The following TBCD variants were observed in gnomAD, a reference collection of about 807,000 sequenced individuals.
TBCD encodes tubulin folding cofactor D, also known as tubulin-specific chaperone D.
TBCD carries 105 observed loss-of-function variants against 169.3 expected under a neutral mutation model. That is an observed-to-expected ratio of 0.62 (90% CI 0.53 to 0.73). The LOEUF (loss-of-function observed/expected upper bound fraction) is 0.73. Ranked by LOEUF, TBCD falls within the 30% of genes least tolerant of loss-of-function variation. The probability of loss-of-function intolerance (pLI) is 0.00; values close to 1 mark genes in which losing one functional copy is unlikely to be tolerated. For missense variants in TBCD, 1,444 were observed against 1,600.1 expected, an observed-to-expected ratio of 0.90 and a Z score of 1.66; for synonymous variants, 700 against 643.9, an observed-to-expected ratio of 1.09 and a Z score of -1.32.
intron 7 of TBCD, among the ~76,000 whole-genome samples, chr17:82,796,741 C>T (rs2050134824): frequency 6.6e-6 from 1 of 152,218 alleles, no homozygotes; most frequent in South Asian, 2.1e-4. Context: ...CAGCGGGCTC[C>T]ATGGAGAGAG....
intron 14 of TBCD, among the ~76,000 whole-genome samples, chr17:82,873,489 C>A (rs1219429821): frequency 6.6e-6 from 1 of 152,192 alleles, no homozygotes; most frequent in Admixed American, 6.5e-5. Flanking sequence ...CAGGTGCCGA[C>A]TTTGGAGAAA....
chr17:82,781,114 C>A (rs1377938904), intron 6 of TBCD, among the ~76,000 whole-genome samples: 1 of 151,972 alleles, frequency 6.6e-6, no homozygotes, highest in Non-Finnish European at 1.5e-5. Context: ...CAGGCCTGTG[C>A]ACAAGACGCA....
intron 23 of TBCD, chr17:82,913,846 C>G (rs989004578): frequency 1.3e-5 from 2 of 152,290 alleles, no homozygotes; most frequent in African/African-American, 4.8e-5. Flanking sequence ...GCCACCTACC[C>G]ATGATGGGCA....
rs751190601 is a variant in TBCD, at chr17:82,800,953, C to T, written c.907C>T (p.Arg303Ter). 5 of 1,611,044 alleles carry T rather than the reference C, an allele frequency of 3.1e-6. No homozygotes were observed. Among genetic ancestry groups the T allele is most frequent in the East Asian group, 2.2e-5 (1 of 44,644 alleles). The stretch of plus-strand genomic sequence containing the variant: ...GAAGCTGGGGGTGAAGCTTGTGCAG[C>T]GACTGGGGCTGACATTCCTGAAGCC... ...LRKLGVKLVQ[R>*]LGLTFLKPKV... is the part of the protein sequence containing the mutation. The change falls in exon 9 of 39, where the codon CGA becomes TGA. Residue 303 changes from arginine to a stop codon, truncating the protein, a stop_gained. Coordinates refer to ENST00000355528, the MANE Select transcript of TBCD (RefSeq NM_005993.5). LOFTEE classifies it high-confidence loss of function.
chr17:82,903,302 G>C lies in TBCD; in HGVS notation c.1731-103G>C. ...GTGAGTGAGCCTCTGCTAAGTGGCC[G>C]GTTGAGGACTCGTGTGTTGTCTCCC... On this transcript the variant is annotated intron_variant, in intron 18 of 38. Coordinates refer to ENST00000355528, the MANE Select transcript of TBCD (RefSeq NM_005993.5). The surrounding 1 kb of genome is among the most constrained non-coding windows in gnomAD (Gnocchi z 4.8). The C allele has an allele frequency of 9.2e-7, 1 of 1,082,062 alleles. No individual in the cohort carries two copies. Among genetic ancestry groups the C allele is most frequent in the Non-Finnish European group, 1.4e-6 (1 of 731,222 alleles). 67.0% of individuals were successfully genotyped at this position (1,082,062 alleles called of 1,614,324 possible).
intron 13 of TBCD, among the ~76,000 whole-genome samples, chr17:82,866,666 T>C (rs1223823742): frequency 1.3e-5 from 2 of 152,156 alleles, no homozygotes; most frequent in African/African-American, 4.8e-5. Flanking sequence ...CCCTTCTGGA[T>C]GCCTGTAGCA....
chr17:82,828,851 C>T (rs116003591), intron 13 of TBCD, among the ~76,000 whole-genome samples: 4,197 of 150,392 alleles, frequency 0.028, 215 homozygotes, highest in African/African-American at 0.096. Context: ...GTGTACACCC[C>T]TCCCACATAT....
intron 7 of TBCD, among the ~76,000 whole-genome samples, chr17:82,790,936 C>G (rs548737411): frequency 2.0e-5 from 3 of 152,152 alleles, no homozygotes; most frequent in Non-Finnish European, 4.4e-5. Context: ...CTTCAGGTCC[C>G]TGCAAAGCCA....
At chr17:82,836,144 G>A (rs1477599189) in intron 13 of TBCD, among the ~76,000 whole-genome samples, 3 of 152,266 alleles carry the variant, frequency 2.0e-5, no homozygotes, top group Non-Finnish European at 4.4e-5. Flanking sequence ...TACCGTGTGG[G>A]GCAGACCTGC....
intron 33 of TBCD, among the ~76,000 whole-genome samples, chr17:82,932,327 C>T (rs1206114707): frequency 2.0e-5 from 3 of 152,226 alleles, no homozygotes; most frequent in East Asian, 3.8e-4. Context: ...GGAGGGCTCC[C>T]CTCTCCGCTG....
rs1472653302 is a variant in TBCD at position 82,937,353 on chromosome 17, A to G, written c.3274A>G (p.Ile1092Val). 2 of 1,614,022 alleles carry G rather than the reference A, an allele frequency of 1.2e-6. No individual in the cohort carries two copies. The highest frequency in any genetic ancestry group is 2.2e-5 in the East Asian group (1 of 44,884). ...SKDIQKLLSG[I>V]AVFCEMVQFP... is the part of the protein sequence containing the mutation. ...AGATATCCAGAAGCTCCTGTCAGGC[A>G]TCGCAGTGTGAGTTTCAAGTGCTGC... The change falls in exon 35 of 39, where the codon ATC becomes GTC. Residue 1092 changes from isoleucine to valine, a missense_variant. Ile to Val is a conservative substitution (Grantham distance 29). Coordinates refer to ENST00000355528, the MANE Select transcript of TBCD (RefSeq NM_005993.5).
rs530523082 is a variant in TBCD, at chr17:82,766,343, C to T, written c.410C>T (p.Thr137Ile). Residue 137 changes from threonine (T) to isoleucine (I), a missense_variant, in exon 4 of 39, where the codon ACA becomes ATA. Physicochemically the swap from Thr to Ile is moderately conservative, Grantham distance 89. Coordinates refer to ENST00000355528, the MANE Select transcript of TBCD (RefSeq NM_005993.5). ...ADVEPVLDLVTIQNPKDHEAW... is the reference protein window; with the variant it reads ...ADVEPVLDLVIIQNPKDHEAW... ...GTAGAGCCTGTTTTAGATTTGGTCA[C>T]AATTCAGAATCCCAAGGACCATGAA... 2.5e-6 allele frequency: 4 copies of T among 1,612,942 alleles called. 1 individual carries two copies. The Admixed American group carries it at 6.7e-5, about 27-fold the overall frequency.
At chr17:82,905,816 G>C in intron 19 of TBCD, 120 bp from the exon 20 acceptor site, 1 of 659,742 alleles carries the variant, frequency 1.5e-6, no homozygotes, top group South Asian at 1.9e-5. Flanking sequence ...CTTCCCACAG[G>C]CCGTCCGTGT....
Position 82,943,076 on chromosome 17 carries a change from T to A in TBCD, c.*613T>A, listed in dbSNP as rs2063444190. On this transcript the variant is annotated 3_prime_UTR_variant, in exon 39 of 39. Transcript: ENST00000355528. ...CCTCTGCAGTGCAGGAGTCACTGAT[T>A]GATGGGTGTGCCGACCAGCAGCTTC... 1.3e-5 allele frequency: 2 copies of A among 153,256 alleles called. No individual in the cohort carries two copies. The highest frequency in any genetic ancestry group is 4.8e-5 in the African/African-American group (2 of 41,452). The allele number at this position is 153,256 out of a possible 1,614,324, so 9.5% of individuals were successfully genotyped here.
Position 82,870,336 on chromosome 17 carries a change from C to A in TBCD, c.1431C>A (p.Ala477=), listed in dbSNP as rs373903003. The part of the protein sequence containing the change: ...ACYVCWAFAR[A]YEPQELKPFV... ...ACGTGTGCTGGGCCTTCGCGCGTGC[C>A]TATGAGCCTCAGGAGCTGAAGCCCT... Residue 477 remains alanine, a synonymous_variant, in exon 14 of 39, where the codon GCC becomes GCA. Transcript: ENST00000355528. 229 of 1,613,378 alleles carry A rather than the reference C, an allele frequency of 1.4e-4. No individual in the cohort carries two copies. The highest frequency in any genetic ancestry group is 1.8e-4 in the Non-Finnish European group (215 of 1,179,874).
chr17:82,830,616 A>G lies in TBCD; in HGVS notation c.1318+15682A>G, dbSNP rs12948179. 0.4 allele frequency: 652,717 copies of G among 1,613,826 alleles called. 132,787 individuals are homozygous for G. The highest frequency in any genetic ancestry group is 0.43 in the Admixed American group (25,709 of 60,002). On this transcript the variant is annotated intron_variant, in intron 13 of 38. Transcript: ENST00000355528. ...CAGCTCGTGGTCGACCGGGGAAGGC[A>G]GGCCTCGGAGCCTGGGTGTTACAGG...
At chr17:82,755,857 A>AAGGAAGAGGCG (rs2047376338) in intron 1 of TBCD, among the ~76,000 whole-genome samples, 2 of 152,178 alleles carry the variant, frequency 1.3e-5, no homozygotes, top group Admixed American at 1.3e-4. Context: ...AGAGTGAAGG[A>AAGGAAGAGGCG]AGGAAGAGGC....
At chr17:82,795,637 G>A in intron 7 of TBCD, 1 of 978,940 alleles carries the variant, frequency 1.0e-6, no homozygotes, top group Non-Finnish European at 1.2e-6. Flanking sequence ...TTCATTTGTT[G>A]TGGAACAACG....
At chr17:82,854,287 C>G (rs2056066585) in intron 13 of TBCD, among the ~76,000 whole-genome samples, 1 of 152,228 alleles carries the variant, frequency 6.6e-6, no homozygotes, top group Admixed American at 6.5e-5. Context: ...ACAGTTGATT[C>G]AGCACCCCAA....
Sources: gnomAD v4.1 joint callset for allele counts (sites outside exome capture counted in the v4.1 genomes callset) on GRCh38, gnomAD v4.1.1 for gene constraint, Gnocchi (gnomAD v3.1) non-coding constraint, MANE v1.5 for transcripts, NCBI Gene and HGNC (gene_info 2026-07-23, HGNC 2026-07-21) for gene names.